WIF1: variants seen among roughly 807,000 people sequenced by gnomAD.
The protein encoded by WIF1 is Wnt inhibitory factor 1.
Under a neutral mutation model 53.5 loss-of-function variants are expected in WIF1, and 35 were observed. The observed-to-expected ratio is 0.65, with a 90% CI of 0.50 to 0.87. The LOEUF (loss-of-function observed/expected upper bound fraction) is 0.87. Among genes scored for constraint, WIF1 ranks in the 40% least tolerant of loss-of-function variants. The probability of loss-of-function intolerance (pLI) is 0.00; values close to 1 mark genes in which losing one functional copy is unlikely to be tolerated. For synonymous variants in WIF1, 171 were observed against 170.4 expected (o/e 1.00, Z -0.03); for missense variants, 467 against 476.8 (o/e 0.98, Z 0.19).
intron 9 of WIF1, chr12:65,054,073 C>CTTTTTTTTTTTTT (rs5798769): frequency 2.1e-5 from 2 of 96,686 alleles, no homozygotes; most frequent in Non-Finnish European, 3.8e-5. Context: ...TGTGAATTTG[C>CTTTTTTTTTTTTT]TTTTTTTTTT....
rs771969291 is a variant in WIF1 at position 65,051,449 on chromosome 12, T to C, written c.1040A>G (p.His347Arg). 56 of 1,611,522 alleles carry C rather than the reference T, an allele frequency of 3.5e-5. No homozygotes were observed. The highest frequency in any genetic ancestry group is 4.4e-5 in the Non-Finnish European group (52 of 1,179,112). Residue 347 changes from histidine to arginine, a missense_variant, in exon 10 of 10, where the codon CAT (histidine) becomes CGT (arginine). Physicochemically the swap from His to Arg is conservative, Grantham distance 29 (BLOSUM62 0). Coordinates refer to ENST00000286574, the MANE Select transcript of WIF1 (RefSeq NM_007191.5). The stretch of plus-strand genomic sequence containing the variant: ...CTGGGCGCCTGCTGGCCTCAGGGCA[T>C]GTATGAGGCTGGCTTCGTACCCTGC... ...CNKRYEASLI[H>R]ALRPAGAQLR...
intron 3 of WIF1, among the ~76,000 whole-genome samples, chr12:65,070,377 CT>C (rs1452789279): frequency 6.6e-6 from 1 of 152,064 alleles, no homozygotes; most frequent in African/African-American, 2.4e-5. Context: ...AAAATTGTCC[CT>C]ATTGAAAACC....
Position 65,051,055 on chromosome 12 carries a change from T to A in WIF1, c.*294A>T, listed in dbSNP as rs113997211. 6.4e-3 allele frequency: 1,764 copies of A among 276,752 alleles called. 27 individuals carry two copies. Among genetic ancestry groups the A allele is most frequent in the South Asian group, 0.048 (359 of 7,486 alleles). 17.1% of individuals were successfully genotyped at this position (276,752 alleles called of 1,614,324 possible). A position where few individuals can be genotyped will look rare whatever the true frequency, so the allele number is the denominator to read the frequency against. On this transcript the variant is annotated 3_prime_UTR_variant, in exon 10 of 10. Transcript: ENST00000286574. ...CTGCCCCCAGACACCATAAATGCAT[T>A]GTAATTTTGAAAATATCTGCCAACT...
At chr12:65,085,870 T>C (rs1883030009) in intron 2 of WIF1, among the ~76,000 whole-genome samples, 1 of 152,192 alleles carries the variant, frequency 6.6e-6, no homozygotes, top group Non-Finnish European at 1.5e-5. Context: ...GAATCTGAAA[T>C]TTCTAAGACA....
chr12:65,097,405 C>T (rs182771822), intron 2 of WIF1, among the ~76,000 whole-genome samples: 6 of 152,236 alleles, frequency 3.9e-5, no homozygotes, highest in African/African-American at 1.4e-4. Context: ...AATGAGAAAT[C>T]TAGCCTCTAC....
intron 3 of WIF1, among the ~76,000 whole-genome samples, chr12:65,077,032 C>T (rs1193736166): frequency 1.3e-5 from 2 of 152,004 alleles, no homozygotes; most frequent in Non-Finnish European, 2.9e-5. Context: ...AGTCAGAAAT[C>T]CCGGGCTCTA....
intron 2 of WIF1, chr12:65,083,862 T>TCTTTTCTTTTC: frequency 4.8e-6 from 2 of 418,152 alleles, no homozygotes; most frequent in Non-Finnish European, 4.7e-6. Context: ...TTTTCTTTTA[T>TCTTTTCTTTTC]TTGCACCTCA....
Position 65,056,137 on chromosome 12 carries a change from G to A in WIF1, c.827-11C>T, listed in dbSNP as rs966615813. The A allele has an allele frequency of 1.2e-6, 2 of 1,612,416 alleles. No homozygotes were observed. Among genetic ancestry groups the A allele is most frequent in the Non-Finnish European group, 1.7e-6 (2 of 1,178,990 alleles). On this transcript the variant is annotated splice_polypyrimidine_tract_variant and intron_variant, in intron 7 of 9. Transcript: ENST00000286574. ...GTTGTGGGCATTTGCCTGAAAAAGAGAAGAATGCAGCTAAACAAGGAACCT... is the reference window on the plus strand; with the variant it reads ...GTTGTGGGCATTTGCCTGAAAAAGAAAAGAATGCAGCTAAACAAGGAACCT...
intron 2 of WIF1, among the ~76,000 whole-genome samples, chr12:65,084,572 A>G (rs1369746579): frequency 6.6e-6 from 1 of 152,210 alleles, no homozygotes; most frequent in Non-Finnish European, 1.5e-5. Context: ...ATATGTTTAT[A>G]TCTTGTATTC....
At position 65,071,252 on chromosome 12, in the gene WIF1, AAAG is replaced by A. The variant is rs1195011004; in HGVS notation, c.398-2351_398-2349del. ...CCATCAAAAAAAAAAAAAAAAAAAA[AAAG>A]GAAAGAAAGAAAAGTGTGTGGTTTG... On this transcript the variant is annotated intron_variant, in intron 3 of 9. Coordinates refer to ENST00000286574, the MANE Select transcript of WIF1 (RefSeq NM_007191.5). Among the ~76,000 whole-genome samples the A allele has an allele frequency of 5.6e-3, 797 of 141,446 alleles. 7 individuals carry two copies. The highest frequency in any genetic ancestry group is 0.022 in the African/African-American group (759 of 34,176). 92.8% of individuals were successfully genotyped at this position (141,446 alleles called of 152,430 possible).
intron 9 of WIF1, 139 bp downstream of exon 9, chr12:65,054,979 G>A (rs1882501135): frequency 9.0e-6 from 7 of 781,396 alleles, no homozygotes; most frequent in Non-Finnish European, 1.4e-5. Context: ...GAAATGGAAA[G>A]CAGGGCTGAG....
chr12:65,069,594 A>G (rs1230891273), intron 3 of WIF1, among the ~76,000 whole-genome samples: 1 of 152,172 alleles, frequency 6.6e-6, no homozygotes, highest in African/African-American at 2.4e-5. Context: ...TGATGAAATA[A>G]TCTCATGAAT....
Position 65,050,692 on chromosome 12 carries a change from G to A in WIF1, c.*657C>T, listed in dbSNP as rs1481284893. 1 of 183,036 alleles carries A rather than the reference G, an allele frequency of 5.5e-6. No homozygotes were observed. The highest frequency in any genetic ancestry group is 2.4e-5 in the African/African-American group (1 of 42,544). 11.3% of individuals were successfully genotyped at this position (183,036 alleles called of 1,614,324 possible). On this transcript the variant is annotated 3_prime_UTR_variant, in exon 10 of 10. Coordinates refer to ENST00000286574, the MANE Select transcript of WIF1 (RefSeq NM_007191.5). ...AGTATAAAATGTTTATTAGGTAAGAGCTGTGTTTTGTTTACAATATATTAT... is the reference window on the plus strand; with the variant it reads ...AGTATAAAATGTTTATTAGGTAAGAACTGTGTTTTGTTTACAATATATTAT...
At chr12:65,071,403 A>G (rs1477045555) in intron 3 of WIF1, among the ~76,000 whole-genome samples, 1 of 152,146 alleles carries the variant, frequency 6.6e-6, no homozygotes, top group Non-Finnish European at 1.5e-5. Context: ...GCAAAATCTA[A>G]TGAAAGTTTT....
chr12:65,102,759 G>C (rs141177493), intron 2 of WIF1, among the ~76,000 whole-genome samples: 1 of 152,286 alleles, frequency 6.6e-6, no homozygotes, highest in East Asian at 1.9e-4. Context: ...CAAGCACCCT[G>C]AGTCCTTGCT....
At chr12:65,062,078 T>G (rs1350515561) in intron 7 of WIF1, among the ~76,000 whole-genome samples, 2 of 152,226 alleles carry the variant, frequency 1.3e-5, no homozygotes, top group African/African-American at 4.8e-5. Flanking sequence ...CTAGGATATC[T>G]GGCAGTGAGC....
At position 65,106,373 on chromosome 12, in the gene WIF1, AT is replaced by A. The variant is rs778399925; in HGVS notation, c.288+14043del. 1.1e-4 allele frequency among the ~76,000 whole-genome samples: 16 copies of A among 142,400 alleles called. No homozygotes were observed. In the East Asian group the frequency reaches 1.4e-3, roughly 13 times the overall value. The allele number at this position is 142,400 out of a possible 152,430, so 93.4% of individuals were successfully genotyped here. On this transcript the variant is annotated intron_variant, in intron 2 of 9. Transcript: ENST00000286574. The stretch of plus-strand genomic sequence containing the variant: ...TATATATATGATCATATATATATAT[AT>A]TTTTTTTTATTTTTTTTGTTTTTGA...
At chr12:65,096,362 A>G (rs1021225745) in intron 2 of WIF1, among the ~76,000 whole-genome samples, 1 of 152,202 alleles carries the variant, frequency 6.6e-6, no homozygotes, top group African/African-American at 2.4e-5. Context: ...AAGTCTAGAA[A>G]CAACAGATGC....
At chr12:65,116,448 T>C (rs1411711789) in intron 2 of WIF1, among the ~76,000 whole-genome samples, 1 of 151,790 alleles carries the variant, frequency 6.6e-6, no homozygotes, top group Non-Finnish European at 1.5e-5. Flanking sequence ...CATCTGTCAC[T>C]GTCTCCCATC....
Sources: gnomAD v4.1 joint callset for allele counts (sites outside exome capture counted in the v4.1 genomes callset) on GRCh38, gnomAD v4.1.1 for gene constraint, MANE v1.5 for transcripts, NCBI Gene and HGNC (gene_info 2026-07-23, HGNC 2026-07-21) for gene names.